THSD7B: variants seen among roughly 807,000 people sequenced by gnomAD.
THSD7B encodes thrombospondin type-1 domain-containing protein 7B.
Under a neutral mutation model 213.6 loss-of-function variants are expected in THSD7B, and 138 were observed. That is an observed-to-expected ratio of 0.65 (90% CI 0.56 to 0.74). The LOEUF (loss-of-function observed/expected upper bound fraction) is 0.74, where lower values mean the gene tolerates loss of function less well. Ranked by LOEUF, THSD7B falls within the 30% of genes least tolerant of loss-of-function variation. The pLI, the probability that THSD7B is intolerant of heterozygous loss-of-function variation, is 0.00. For synonymous variants in THSD7B, 742 were observed against 687.0 expected (o/e 1.08, Z -1.25); for missense variants, 1,931 against 1,991.5 (o/e 0.97, Z 0.58).
At chr2:137,198,834 T>C (rs1680819082) in intron 7 of THSD7B, among the ~76,000 whole-genome samples, 1 of 152,208 alleles carries the variant, frequency 6.6e-6, no homozygotes, top group Non-Finnish European at 1.5e-5. Context: ...TTTTCTTTTC[T>C]TCAGACTAAG....
chr2:137,408,553 G>C (rs963975291), intron 13 of THSD7B, among the ~76,000 whole-genome samples: 1 of 152,104 alleles, frequency 6.6e-6, no homozygotes, highest in Non-Finnish European at 1.5e-5. Flanking sequence ...GTTGTATTGG[G>C]AGCGGTATTC....
chr2:137,515,475 C>T (rs937344885), intron 15 of THSD7B, among the ~76,000 whole-genome samples: 1 of 152,136 alleles, frequency 6.6e-6, no homozygotes, highest in African/African-American at 2.4e-5. Context: ...CCACCAGGCT[C>T]CTACAGGTGA....
At chr2:137,361,194 A>C (rs1317161868) in intron 12 of THSD7B, among the ~76,000 whole-genome samples, 4 of 152,182 alleles carry the variant, frequency 2.6e-5, no homozygotes, top group African/African-American at 9.7e-5. Flanking sequence ...ACATCAAAAA[A>C]AAGGACATCC....
chr2:137,037,988 A>G (rs1261891638), intron 2 of THSD7B, among the ~76,000 whole-genome samples: 1 of 152,226 alleles, frequency 6.6e-6, no homozygotes, highest in Non-Finnish European at 1.5e-5. Context: ...AAAATAAAAA[A>G]AAATGTTTTG....
intron 2 of THSD7B, among the ~76,000 whole-genome samples, chr2:136,912,321 CAAAA>C (rs1159184476): frequency 2.2e-3 from 122 of 55,794 alleles, no homozygotes; most frequent in African/African-American, 0.01. Context: ...GACTCCATCT[CAAAA>C]AAAAAAAAAA....
In THSD7B at chr2:137,196,119, C is replaced by T. The variant is rs577560777; in HGVS notation, c.1723+25181C>T. Among the ~76,000 whole-genome samples, 315 of 152,140 alleles carry T rather than the reference C, an allele frequency of 2.1e-3. 1 individual carries two copies. The highest frequency in any genetic ancestry group is 3.9e-3 in the Non-Finnish European group (266 of 68,024). On this transcript the variant is annotated intron_variant, in intron 7 of 27. Coordinates refer to ENST00000409968, the MANE Select transcript of THSD7B (RefSeq NM_001316349.2). ...AAGGGCTTTTTGTACTGGAGCAGTG[C>T]CTTCATCACAGAACAAGAAATAGTG...
intron 10 of THSD7B, among the ~76,000 whole-genome samples, chr2:137,243,483 T>A (rs1681959557): frequency 6.6e-6 from 1 of 152,222 alleles, no homozygotes; most frequent in South Asian, 2.1e-4. Flanking sequence ...CCATGTCCTC[T>A]CAAGCAGAGC....
intron 2 of THSD7B, among the ~76,000 whole-genome samples, chr2:136,937,391 A>C (rs1454995115): frequency 6.6e-6 from 1 of 151,926 alleles, no homozygotes; most frequent in Non-Finnish European, 1.5e-5. Context: ...CCCATCTTTT[A>C]TGTAAAACAT....
chr2:137,414,729 G>C (rs370013597), intron 14 of THSD7B, among the ~76,000 whole-genome samples: 1 of 151,548 alleles, frequency 6.6e-6, no homozygotes, highest in East Asian at 1.9e-4. Flanking sequence ...CTAAGTATAT[G>C]TATATATGTA....
chr2:137,337,580 C>CT (rs1684667291), intron 12 of THSD7B, among the ~76,000 whole-genome samples: 1 of 152,028 alleles, frequency 6.6e-6, no homozygotes. Flanking sequence ...TGTGAGGTTA[C>CT]TTTGAGACTA....
chr2:137,643,143 T>C (rs894220837), intron 21 of THSD7B, among the ~76,000 whole-genome samples: 3 of 152,222 alleles, frequency 2.0e-5, no homozygotes, highest in Admixed American at 6.5e-5. Context: ...GATTACTTTT[T>C]TATTGGCCTT....
chr2:136,786,996 G>T (rs1681867047), intron 1 of THSD7B, among the ~76,000 whole-genome samples: 1 of 152,154 alleles, frequency 6.6e-6, no homozygotes, highest in Non-Finnish European at 1.5e-5. Context: ...TTTGAGTGAG[G>T]CATATGTTGG....
At chr2:136,835,679 A>G (rs1359012008) in intron 1 of THSD7B, among the ~76,000 whole-genome samples, 2 of 152,234 alleles carry the variant, frequency 1.3e-5, no homozygotes, top group Admixed American at 1.3e-4. Flanking sequence ...GTTGTAAAGA[A>G]TACCTAAAAT....
At chr2:136,980,112 C>A (rs1244487657) in intron 2 of THSD7B, among the ~76,000 whole-genome samples, 4 of 152,140 alleles carry the variant, frequency 2.6e-5, no homozygotes, top group African/African-American at 9.7e-5. Context: ...GTGGAAGCTG[C>A]AGAACAGCAA....
In THSD7B at chr2:137,198,842, A is replaced by G. The variant is rs117505130; in HGVS notation, c.1723+27904A>G. Reference sequence around the variant, plus strand: ...TTGGTGGTTTTCTTTTCTTCAGACTAAGAATTTAAACCACCTTACTGTTGC... The same window carrying G: ...TTGGTGGTTTTCTTTTCTTCAGACTGAGAATTTAAACCACCTTACTGTTGC... On this transcript the variant is annotated intron_variant, in intron 7 of 27. Coordinates refer to ENST00000409968, the MANE Select transcript of THSD7B (RefSeq NM_001316349.2). 8.4e-4 allele frequency among the ~76,000 whole-genome samples: 128 copies of G among 152,308 alleles called. 3 individuals carry two copies. In the East Asian group the frequency reaches 0.022, roughly 26 times the overall value.
chr2:137,325,905 A>G (rs1684364769), intron 12 of THSD7B, among the ~76,000 whole-genome samples: 2 of 152,182 alleles, frequency 1.3e-5, no homozygotes, highest in Non-Finnish European at 2.9e-5. Flanking sequence ...CAAACTTCTC[A>G]TTCATGTGTT....
chr2:136,979,488 T>G (rs1287804532), intron 2 of THSD7B, among the ~76,000 whole-genome samples: 1 of 152,184 alleles, frequency 6.6e-6, no homozygotes, highest in African/African-American at 2.4e-5. Flanking sequence ...TTTTGTTCAT[T>G]TCTTTTTATT....
chr2:136,899,418 A>G (rs1395679132), intron 2 of THSD7B, among the ~76,000 whole-genome samples: 1 of 152,178 alleles, frequency 6.6e-6, no homozygotes, highest in Non-Finnish European at 1.5e-5. Context: ...TCACACTGTA[A>G]CTTTTCTTCT....
chr2:137,086,596 A>G (rs1228601240), intron 3 of THSD7B, among the ~76,000 whole-genome samples: 3 of 152,270 alleles, frequency 2.0e-5, no homozygotes, highest in African/African-American at 7.2e-5. Flanking sequence ...TTATTTTGCC[A>G]TGTATGGTGG....
Sources: gnomAD v4.1 joint callset for allele counts (sites outside exome capture counted in the v4.1 genomes callset) on GRCh38, gnomAD v4.1.1 for gene constraint, MANE v1.5 for transcripts, NCBI Gene and HGNC (gene_info 2026-07-23, HGNC 2026-07-21) for gene names.